STAT2: variants seen among roughly 807,000 people sequenced by gnomAD.
STAT2 encodes the protein signal transducer and activator of transcription 2.
In STAT2, 51 loss-of-function variants were observed where a neutral mutation model predicts 122.3. The ratio of observed to expected loss-of-function variants is 0.42; its 90% CI spans 0.33 to 0.53. STAT2 has a LOEUF of 0.53. STAT2 is among the 20% of genes least tolerant of loss of function. The pLI, the probability that STAT2 is intolerant of heterozygous loss-of-function variation, is 0.10. For synonymous variants in STAT2, 351 were observed against 394.9 expected (o/e 0.89, Z 1.32); for missense variants, 736 against 1,010.3 (o/e 0.73, Z 3.68).
At position 56,345,525 on chromosome 12, in the gene STAT2, AT is replaced by A. The variant is rs1253717507; in HGVS notation, c.2102+620del. Among the ~76,000 whole-genome samples, 133 of 61,908 alleles carry A rather than the reference AT, an allele frequency of 2.1e-3. 8 individuals carry two copies. Among genetic ancestry groups the A allele is most frequent in the Non-Finnish European group, 3.3e-3 (119 of 35,632 alleles). 40.6% of individuals were successfully genotyped at this position (61,908 alleles called of 152,430 possible). A position where few individuals can be genotyped will look rare whatever the true frequency, so the allele number is the denominator to read the frequency against. Reference sequence around the variant, plus strand: ...AAAAAAAAAAAAAAAAAAAAAAAAAATATATATATATGCGGGGTGTGGTGGC... The same window carrying A: ...AAAAAAAAAAAAAAAAAAAAAAAAAAATATATATATGCGGGGTGTGGTGGC... On this transcript the variant is annotated intron_variant, in intron 22 of 23. Coordinates refer to ENST00000314128, the MANE Select transcript of STAT2 (RefSeq NM_005419.4).
rs1362705961 is a variant in STAT2 at position 56,342,613 on chromosome 12, C to T, written c.*776G>A. ...TAAAAAAAAAAAAATCCCCAGCAAT[C>T]CTACCATCCCCAGCCTCCAGGAGTG... is the stretch of plus-strand genomic sequence containing the variant. On this transcript the variant is annotated 3_prime_UTR_variant, in exon 24 of 24. Coordinates refer to ENST00000314128, the MANE Select transcript of STAT2 (RefSeq NM_005419.4). The T allele has an allele frequency of 2.6e-5, 4 of 152,400 alleles. No individual in the cohort carries two copies. The highest frequency in any genetic ancestry group is 5.9e-5 in the Non-Finnish European group (4 of 68,288). The allele number at this position is 152,400 out of a possible 1,614,324, so 9.4% of individuals were successfully genotyped here.
In STAT2 at chr12:56,349,213, T is replaced by C. The variant is rs2066811; in HGVS notation, c.1390A>G (p.Ile464Val). The C allele has an allele frequency of 0.012, 18,941 of 1,614,020 alleles. 1,543 individuals are homozygous for C. In the African/African-American group the frequency reaches 0.2, roughly 17 times the overall value. The change falls in exon 16 of 24, where the codon ATT becomes GTT. Residue 464 changes from isoleucine to valine, a missense_variant. Coordinates refer to ENST00000314128, the MANE Select transcript of STAT2 (RefSeq NM_005419.4). ...VIISNMNQLS[I>V]AWASVLWFNL... ...AACCAGAGAACTGAAGCCCAGGCAA[T>C]TGAGAGCTGGTTCATGTTGGAAATA...
chr12:56,354,016 A>AAAAAAAAAAAATATATAT (rs71081350), intron 8 of STAT2, among the ~76,000 whole-genome samples: 1 of 16,676 alleles, frequency 6.0e-5, no homozygotes, highest in African/African-American at 1.1e-4. Context: ...AAAAAAAAAA[A>AAAAAAAAAAAATATATAT]ATATATATAT....
Position 56,354,881 on chromosome 12 carries a change from G to T in STAT2, c.548-18C>A. 6.2e-7 allele frequency: 1 copy of T among 1,612,918 alleles called. No homozygotes were observed. Among genetic ancestry groups the T allele is most frequent in the Non-Finnish European group, 8.5e-7 (1 of 1,178,938 alleles). ...TGTCTTCCCTGGATGGTGGGAACAG[G>T]AGTCAGTCCAGGGGTTCTTTCCTCT... On this transcript the variant is annotated intron_variant, in intron 6 of 23. Transcript: ENST00000314128.
chr12:56,355,654 C>T (rs1243386745), intron 4 of STAT2, 54 bp downstream of exon 4: 2 of 1,599,656 alleles, frequency 1.3e-6, no homozygotes, highest in Non-Finnish European at 1.7e-6. Flanking sequence ...GAGTCCTTTC[C>T]ATGGTTCCTC....
intron 13 of STAT2, 60 bp from the exon 14 acceptor site, chr12:56,349,696 C>G: frequency 6.2e-7 from 1 of 1,611,006 alleles, no homozygotes; most frequent in Non-Finnish European, 8.5e-7. Flanking sequence ...TCCCTGGAAC[C>G]CCTGTTTGGC....
At chr12:56,354,016 A>AAAAAAAT (rs71081350) in intron 8 of STAT2, among the ~76,000 whole-genome samples, 4 of 16,678 alleles carry the variant, frequency 2.4e-4, no homozygotes, top group African/African-American at 4.4e-4. Flanking sequence ...AAAAAAAAAA[A>AAAAAAAT]ATATATATAT....
At chr12:56,343,647 G>A in intron 23 of STAT2, 116 bp from the exon 24 acceptor site, 2 of 1,524,482 alleles carry the variant, frequency 1.3e-6, no homozygotes, top group Non-Finnish European at 1.8e-6. Context: ...GTGGGAACTT[G>A]TGGGATGAAA....
At chr12:56,348,719 G>C in intron 18 of STAT2, 33 bp downstream of exon 18, 8 of 1,614,118 alleles carry the variant, frequency 5.0e-6, no homozygotes, top group Non-Finnish European at 6.8e-6. Context: ...ATGTGGGCTA[G>C]ATCCAGCAGC....
intron 11 of STAT2, 118 bp downstream of exon 11, chr12:56,350,711 C>T: frequency 9.0e-7 from 1 of 1,113,150 alleles, no homozygotes; most frequent in Admixed American, 2.0e-5. Flanking sequence ...ATTATAATTT[C>T]TGTGAGGTAG....
At chr12:56,357,948 T>G (rs1879777136) in intron 1 of STAT2, among the ~76,000 whole-genome samples, 1 of 152,120 alleles carries the variant, frequency 6.6e-6, no homozygotes, top group Non-Finnish European at 1.5e-5. Flanking sequence ...GTAATCCGCC[T>G]GCCTCAGCCT....
At chr12:56,349,667 C>T (rs1878136909) in intron 13 of STAT2, 31 bp from the exon 14 acceptor site, 2 of 1,614,008 alleles carry the variant, frequency 1.2e-6, no homozygotes, top group South Asian at 1.1e-5. Flanking sequence ...GAGAAAATGC[C>T]AGAGTGGGCA....
In STAT2 at chr12:56,354,700, C is replaced by T. The variant is rs746377734; in HGVS notation, c.633+78G>A. The T allele has an allele frequency of 1.7e-5, 27 of 1,612,256 alleles. No individual in the cohort carries two copies. The East Asian group carries it at 2.2e-4, about 13-fold the overall frequency. On this transcript the variant is annotated intron_variant, in intron 7 of 23. Transcript: ENST00000314128. Reference sequence around the variant, plus strand: ...GGGGATGAAGAAACAAAGAAGCCAGCGCTAGAGGACCAGGGTCCCCACATC... The same window carrying T: ...GGGGATGAAGAAACAAAGAAGCCAGTGCTAGAGGACCAGGGTCCCCACATC...
intron 9 of STAT2, 21 bp downstream of exon 9, chr12:56,351,271 G>C: frequency 6.2e-7 from 1 of 1,613,140 alleles, no homozygotes; most frequent in Non-Finnish European, 8.5e-7. Flanking sequence ...TTCCCCCAGG[G>C]TTCCTGCCTG....
intron 20 of STAT2, 56 bp downstream of exon 20, chr12:56,346,763 G>A (rs1386714030): frequency 3.1e-6 from 5 of 1,611,918 alleles, no homozygotes; most frequent in Admixed American, 1.7e-5. Context: ...AGAGGGGCAA[G>A]AGGGGAGCCA....
rs1409455468 is a variant in STAT2 at position 56,350,566 on chromosome 12, T to G, written c.1095-134A>C. ...AGCTATGTGGCCTTGAGAAGAGATG[T>G]AATCAGTCTCTCTAAGCCTGTATCT... On this transcript the variant is annotated intron_variant, in intron 11 of 23. Coordinates refer to ENST00000314128, the MANE Select transcript of STAT2 (RefSeq NM_005419.4). 28 of 828,166 alleles carry G rather than the reference T, an allele frequency of 3.4e-5. No individual in the cohort carries two copies. In the Admixed American group the frequency reaches 7.6e-4, roughly 23 times the overall value. The allele number at this position is 828,166 out of a possible 1,614,324, so 51.3% of individuals were successfully genotyped here.
At chr12:56,355,082 C>T in intron 6 of STAT2, 194 bp downstream of exon 6, 1 of 726,692 alleles carries the variant, frequency 1.4e-6, no homozygotes, top group Non-Finnish European at 2.3e-6. Flanking sequence ...ATTTCCTCAA[C>T]ATTTACTGTC....
rs1419100711 is a variant in STAT2, at chr12:56,343,371, A to G, written c.*18T>C. ...AGGAAGGGCAAGAGATATGAAAAGAACAGAGGAAATGTGGTTCCTAGAAGT... is the reference window on the plus strand; with the variant it reads ...AGGAAGGGCAAGAGATATGAAAAGAGCAGAGGAAATGTGGTTCCTAGAAGT... On this transcript the variant is annotated 3_prime_UTR_variant, in exon 24 of 24. Coordinates refer to ENST00000314128, the MANE Select transcript of STAT2 (RefSeq NM_005419.4). The G allele has an allele frequency of 1.2e-6, 2 of 1,609,732 alleles. No homozygotes were observed. Among genetic ancestry groups the G allele is most frequent in the Non-Finnish European group, 1.7e-6 (2 of 1,177,306 alleles).
rs975181232 is a variant in STAT2 at position 56,354,956 on chromosome 12, A to T, written c.548-93T>A. On this transcript the variant is annotated intron_variant, in intron 6 of 23. Transcript: ENST00000314128. ...GAGTCAGGAAGGAGGAATTTTGTGG[A>T]GGAAGAAAGGGAAACCAAGCAAAGC... 3.0e-6 allele frequency: 4 copies of T among 1,332,438 alleles called. No homozygotes were observed. In the African/African-American group the frequency reaches 5.9e-5, roughly 20 times the overall value. 82.5% of individuals were successfully genotyped at this position (1,332,438 alleles called of 1,614,324 possible). A position where few individuals can be genotyped will look rare whatever the true frequency, so the allele number is the denominator to read the frequency against.
Sources: gnomAD v4.1 joint callset for allele counts (sites outside exome capture counted in the v4.1 genomes callset) on GRCh38, gnomAD v4.1.1 for gene constraint, MANE v1.5 for transcripts, NCBI Gene and HGNC (gene_info 2026-07-23, HGNC 2026-07-21) for gene names.